ESF1: variants seen among roughly 807,000 people sequenced by gnomAD.
The protein encoded by ESF1 is ESF1 homolog.
Under a neutral mutation model 92.0 loss-of-function variants are expected in ESF1, and 58 were observed. The ratio of observed to expected loss-of-function variants is 0.63; its 90% CI spans 0.51 to 0.78. ESF1 has a LOEUF of 0.78. Among genes scored for constraint, ESF1 ranks in the 30% least tolerant of loss-of-function variants. The probability of loss-of-function intolerance (pLI) is 0.00; values close to 1 mark genes in which losing one functional copy is unlikely to be tolerated. For missense variants in ESF1, 922 were observed against 989.1 expected (o/e 0.93, Z 0.91); for synonymous variants, 321 against 313.7 (o/e 1.02, Z -0.24).
intron 9 of ESF1, among the ~76,000 whole-genome samples, chr20:13,746,587 C>G (rs2050050520): frequency 2.0e-5 from 3 of 152,132 alleles, no homozygotes; most frequent in African/African-American, 7.2e-5. Flanking sequence ...TTTGAAAAAT[C>G]CACCTGTAAA....
intron 2 of ESF1, among the ~76,000 whole-genome samples, chr20:13,778,642 T>C (rs1031834256): frequency 6.6e-6 from 1 of 152,170 alleles, no homozygotes; most frequent in Admixed American, 6.5e-5. Context: ...ATGGTACACA[T>C]ACCACACTTT....
chr20:13,738,285 G>A (rs1264695201), intron 9 of ESF1, among the ~76,000 whole-genome samples: 1 of 150,770 alleles, frequency 6.6e-6, no homozygotes, highest in African/African-American at 2.4e-5. Context: ...ACAATTTCTT[G>A]TATGAACTTC....
At chr20:13,768,839 G>A (rs1265530179) in intron 7 of ESF1, among the ~76,000 whole-genome samples, 1 of 147,810 alleles carries the variant, frequency 6.8e-6, no homozygotes, top group African/African-American at 2.5e-5. Context: ...AGAGGTTGCA[G>A]TGAGCAGAGA....
In ESF1 at chr20:13,716,804, A is replaced by ATTTTTTTTTTTTTTTTT. The variant is rs71188180; in HGVS notation, c.2262+547_2262+563dup. On this transcript the variant is annotated intron_variant, in intron 13 of 13. Coordinates refer to ENST00000617257, the MANE Select transcript of ESF1 (RefSeq NM_001276380.2). ...TACAGGTGTGCGCCACTATACCTGG[A>ATTTTTTTTTTTTTTTTT]TTTTTTTTTTTTTTTTTTTTTTTTT... 2.6e-4 allele frequency among the ~76,000 whole-genome samples: 12 copies of ATTTTTTTTTTTTTTTTT among 45,916 alleles called. 1 individual carries two copies. Among genetic ancestry groups the ATTTTTTTTTTTTTTTTT allele is most frequent in the East Asian group, 8.2e-4 (1 of 1,224 alleles). The allele number at this position is 45,916 out of a possible 152,430, so 30.1% of individuals were successfully genotyped here. A position where few individuals can be genotyped will look rare whatever the true frequency, so the allele number is the denominator to read the frequency against.
At chr20:13,772,802 T>C (rs1568727937) in intron 4 of ESF1, among the ~76,000 whole-genome samples, 187 bp from the exon 5 acceptor site, 2 of 152,192 alleles carry the variant, frequency 1.3e-5, no homozygotes, top group African/African-American at 4.8e-5. Context: ...TAGATCACTT[T>C]GGCTAGAGAC....
rs576768704 is a variant in ESF1 at position 13,757,881 on chromosome 20, A to G, written c.1828+1811T>C. ...AGACAACTGAACACTTCAATTTAAA[A>G]ATGTTCATATTAAAATATATTCAAT... On this transcript the variant is annotated intron_variant, in intron 9 of 13. Transcript: ENST00000617257. Among the ~76,000 whole-genome samples the G allele has an allele frequency of 3.3e-5, 5 of 152,348 alleles. No homozygotes were observed. The South Asian group carries it at 1.0e-3, about 32-fold the overall frequency.
chr20:13,757,355 G>A (rs1374742917), intron 9 of ESF1, among the ~76,000 whole-genome samples: 23 of 152,120 alleles, frequency 1.5e-4, no homozygotes, highest in Non-Finnish European at 1.5e-4. Context: ...CAGATAACAG[G>A]TGTAAATACC....
intron 2 of ESF1, among the ~76,000 whole-genome samples, chr20:13,780,408 C>T (rs1031399509): frequency 1.3e-5 from 2 of 152,202 alleles, no homozygotes; most frequent in African/African-American, 4.8e-5. Flanking sequence ...TGCTGCCGGT[C>T]CCACTCCAAT....
At chr20:13,734,549 G>C (rs559740311) in intron 9 of ESF1, among the ~76,000 whole-genome samples, 3 of 152,158 alleles carry the variant, frequency 2.0e-5, no homozygotes, top group Admixed American at 6.5e-5. Context: ...CCCGATTCAC[G>C]TTTCTAGGTA....
chr20:13,755,285 T>G (rs1039450692), intron 9 of ESF1, among the ~76,000 whole-genome samples: 2 of 152,230 alleles, frequency 1.3e-5, no homozygotes, highest in Admixed American at 1.3e-4. Flanking sequence ...ACAGGACTTT[T>G]ACCATAATCA....
chr20:13,757,421 A>G (rs953156984), intron 9 of ESF1, among the ~76,000 whole-genome samples: 1 of 152,144 alleles, frequency 6.6e-6, no homozygotes, highest in Non-Finnish European at 1.5e-5. Flanking sequence ...TGTTTGAGAC[A>G]GGGTCTCATT....
chr20:13,763,585 T>C (rs1197720469), intron 8 of ESF1, among the ~76,000 whole-genome samples: 2 of 152,156 alleles, frequency 1.3e-5, no homozygotes, highest in African/African-American at 2.4e-5. Context: ...CATATAGGCA[T>C]ACAAATAAAA....
chr20:13,758,051 TG>T (rs1402405407), intron 9 of ESF1, among the ~76,000 whole-genome samples: 3 of 114,830 alleles, frequency 2.6e-5, no homozygotes, highest in African/African-American at 9.0e-5. Flanking sequence ...TGTAGCCTTA[TG>T]GTGGAGATTT....
At chr20:13,716,259 A>T (rs1032509647) in intron 13 of ESF1, among the ~76,000 whole-genome samples, 3 of 151,706 alleles carry the variant, frequency 2.0e-5, no homozygotes, top group Non-Finnish European at 4.4e-5. Context: ...GCTCAAACTC[A>T]TGCTTAGGGG....
rs533514335 is a variant in ESF1 at position 13,750,947 on chromosome 20, C to A, written c.1828+8745G>T. Among the ~76,000 whole-genome samples, 18 of 152,192 alleles carry A rather than the reference C, an allele frequency of 1.2e-4. 1 individual carries two copies. The South Asian group carries it at 3.1e-3, about 26-fold the overall frequency. Reference sequence around the variant, plus strand: ...TCGAACCACTGCATTTCAGCCTGGGCAACAGAACAAGACCTTGTCTCTTAA... The same window carrying A: ...TCGAACCACTGCATTTCAGCCTGGGAAACAGAACAAGACCTTGTCTCTTAA... On this transcript the variant is annotated intron_variant, in intron 9 of 13. Coordinates refer to ENST00000617257, the MANE Select transcript of ESF1 (RefSeq NM_001276380.2).
intron 11 of ESF1, among the ~76,000 whole-genome samples, chr20:13,721,889 G>A (rs1463380519): frequency 1.3e-5 from 2 of 152,050 alleles, no homozygotes; most frequent in Non-Finnish European, 2.9e-5. Context: ...AATCTTAAGA[G>A]TATAATCTTT....
intron 1 of ESF1, among the ~76,000 whole-genome samples, chr20:13,784,472 T>A (rs1476715861): frequency 6.6e-6 from 1 of 152,134 alleles, no homozygotes. Flanking sequence ...AAGTACTGCA[T>A]GTATTGTAAA....
At position 13,771,411 on chromosome 20, in the gene ESF1, A is replaced by C. The variant is rs776653374; in HGVS notation, c.1323T>G (p.Asp441Glu). The stretch of plus-strand genomic sequence containing the variant: ...AAATTTTACTAGCTGTTTCCGGAGA[A>C]TCACAGTCTACTACTGCATAATAGT... ...LKYYYAVVDC[D>E]SPETASKIYE... is the part of the protein sequence containing the mutation. Residue 441 changes from aspartate to glutamate, a missense_variant, in exon 6 of 14, where the codon GAT (aspartate) becomes GAG (glutamate). Coordinates refer to ENST00000617257, the MANE Select transcript of ESF1 (RefSeq NM_001276380.2). The C allele has an allele frequency of 1.2e-6, 2 of 1,613,190 alleles. No homozygotes were observed. Among genetic ancestry groups the C allele is most frequent in the South Asian group, 2.2e-5 (2 of 91,044 alleles).
At chr20:13,733,945 G>T (rs2049960297) in intron 9 of ESF1, 103 bp from the exon 10 acceptor site, 1 of 1,308,478 alleles carries the variant, frequency 7.6e-7, no homozygotes, top group Non-Finnish European at 1.0e-6. Context: ...ATATTTAATA[G>T]AGTAACAAAG....
Sources: gnomAD v4.1 joint callset for allele counts (sites outside exome capture counted in the v4.1 genomes callset) on GRCh38, gnomAD v4.1.1 for gene constraint, MANE v1.5 for transcripts, NCBI Gene and HGNC (gene_info 2026-07-23, HGNC 2026-07-21) for gene names.